LRP1B: variants seen among roughly 807,000 people sequenced by gnomAD.
LRP1B encodes the protein LDL receptor related protein 1B.
A neutral mutation model predicts 556.6 loss-of-function variants in LRP1B; 217 were observed. The observed-to-expected ratio is 0.39, with a 90% CI of 0.35 to 0.44. The LOEUF is 0.44. Ranked by LOEUF, LRP1B falls within the 20% of genes least tolerant of loss-of-function variation. The pLI is 1.00. For missense variants in LRP1B, 5,053 were observed against 5,620.8 expected, an observed-to-expected ratio of 0.90 and a Z score of 3.23; for synonymous variants, 2,047 against 1,865.8, an observed-to-expected ratio of 1.10 and a Z score of -2.50.
At chr2:141,597,492 C>T (rs1405721151) in intron 2 of LRP1B, among the ~76,000 whole-genome samples, 1 of 152,096 alleles carries the variant, frequency 6.6e-6, no homozygotes, top group Admixed American at 6.6e-5. Flanking sequence ...ATGGTCAACT[C>T]ATATTCTAAA....
intron 1 of LRP1B, among the ~76,000 whole-genome samples, chr2:142,062,154 A>G (rs1367346838): frequency 6.6e-6 from 1 of 151,942 alleles, no homozygotes; most frequent in East Asian, 1.9e-4. Flanking sequence ...CCCCCAGCCA[A>G]CTAGCATGGT....
chr2:140,253,459 TAAAAG>T (rs1251649428), intron 86 of LRP1B, among the ~76,000 whole-genome samples: 3 of 151,936 alleles, frequency 2.0e-5, no homozygotes, highest in East Asian at 1.9e-4. Flanking sequence ...AGGAGAAACA[TAAAAG>T]AAGATAAAAT....
intron 32 of LRP1B, among the ~76,000 whole-genome samples, chr2:140,806,264 C>A (rs980442505): frequency 2.0e-5 from 3 of 151,912 alleles, no homozygotes; most frequent in Non-Finnish European, 4.4e-5. Flanking sequence ...TATAGCAGCC[C>A]AAGGTAAGAC....
At chr2:140,722,442 A>G (rs146981610) in intron 35 of LRP1B, among the ~76,000 whole-genome samples, 1 of 152,284 alleles carries the variant, frequency 6.6e-6, no homozygotes, top group Non-Finnish European at 1.5e-5. Context: ...CTAATTAAGA[A>G]TCTAGAATCT....
chr2:141,843,103 GA>G (rs1329941430), intron 1 of LRP1B, among the ~76,000 whole-genome samples: 3 of 152,012 alleles, frequency 2.0e-5, no homozygotes, highest in African/African-American at 7.2e-5. Context: ...GAAATCTCTT[GA>G]AAAAGCTCCT....
chr2:141,024,360 G>A (rs1395401798), intron 11 of LRP1B, among the ~76,000 whole-genome samples: 1 of 151,902 alleles, frequency 6.6e-6, no homozygotes, highest in Admixed American at 6.6e-5. Flanking sequence ...AAAATACCTT[G>A]ATGTTGTATT....
chr2:140,775,886 G>A (rs1206668717), intron 33 of LRP1B, among the ~76,000 whole-genome samples: 1 of 152,078 alleles, frequency 6.6e-6, no homozygotes, highest in East Asian at 1.9e-4. Flanking sequence ...GACAAATTAA[G>A]ACTCCTAAGG....
chr2:140,679,990 C>T (rs1574233082), intron 41 of LRP1B, among the ~76,000 whole-genome samples: 1 of 151,514 alleles, frequency 6.6e-6, no homozygotes, highest in African/African-American at 2.4e-5. Flanking sequence ...CATCAGCTAT[C>T]GTTAGTGTTA....
At position 140,851,564 on chromosome 2, in the gene LRP1B, C is replaced by T. The variant is rs548209788; in HGVS notation, c.4711+88G>A. 196 of 1,477,570 alleles carry T rather than the reference C, an allele frequency of 1.3e-4. 6 individuals are homozygous for T. In the South Asian group the frequency reaches 2.4e-3, roughly 18 times the overall value. The allele number at this position is 1,477,570 out of a possible 1,614,324, so 91.5% of individuals were successfully genotyped here. A position where few individuals can be genotyped will look rare whatever the true frequency, so the allele number is the denominator to read the frequency against. On this transcript the variant is annotated intron_variant, in intron 28 of 90. Coordinates refer to ENST00000389484, the MANE Select transcript of LRP1B (RefSeq NM_018557.3). Reference sequence around the variant, plus strand: ...AAAACAGAAAAAAAAACTTCCTCTGCTTTAATATGAGTAAAATCTGAATGC... The same window carrying T: ...AAAACAGAAAAAAAAACTTCCTCTGTTTTAATATGAGTAAAATCTGAATGC...
At chr2:140,911,351 C>G (rs1246038541) in intron 21 of LRP1B, among the ~76,000 whole-genome samples, 2 of 151,644 alleles carry the variant, frequency 1.3e-5, no homozygotes, top group Non-Finnish European at 3.0e-5. Context: ...TACTGGAAAC[C>G]CATTGTAGGA....
At chr2:141,278,065 T>G (rs1685369706) in intron 3 of LRP1B, among the ~76,000 whole-genome samples, 2 of 152,234 alleles carry the variant, frequency 1.3e-5, no homozygotes, top group South Asian at 2.1e-4. Context: ...CAAATTTATT[T>G]TGATTCGTGA....
chr2:141,205,218 T>C (rs1682218680), intron 6 of LRP1B, among the ~76,000 whole-genome samples: 1 of 152,176 alleles, frequency 6.6e-6, no homozygotes, highest in African/African-American at 2.4e-5. Context: ...ATTTTCTAAC[T>C]TTATATGATG....
intron 7 of LRP1B, among the ~76,000 whole-genome samples, chr2:141,071,190 G>T (rs1699630456): frequency 6.7e-6 from 1 of 149,944 alleles, no homozygotes; most frequent in Non-Finnish European, 1.5e-5. Context: ...GGGATGCAAG[G>T]CTGGTTCAAT....
At chr2:140,687,645 C>A (rs944506373) in intron 41 of LRP1B, among the ~76,000 whole-genome samples, 6 of 151,872 alleles carry the variant, frequency 4.0e-5, no homozygotes, top group East Asian at 1.9e-4. Context: ...AACCAGATAT[C>A]CTGAAAAGCT....
At chr2:141,277,402 AT>A (rs1434460394) in intron 3 of LRP1B, among the ~76,000 whole-genome samples, 1 of 152,140 alleles carries the variant, frequency 6.6e-6, no homozygotes, top group African/African-American at 2.4e-5. Flanking sequence ...GATGTTGAAC[AT>A]TTTTTCATAT....
intron 7 of LRP1B, among the ~76,000 whole-genome samples, chr2:141,081,209 A>G (rs76406665): frequency 0.033 from 4,965 of 152,210 alleles, 90 homozygotes; most frequent in South Asian, 0.074. Context: ...AGATTTTTGT[A>G]TTAGAAATAC....
chr2:141,204,111 T>C (rs1850697), intron 6 of LRP1B, among the ~76,000 whole-genome samples: 39,212 of 152,078 alleles, frequency 0.26, 6,183 homozygotes, highest in East Asian at 0.63. Flanking sequence ...CTAACGTCTT[T>C]GCCCAATTTT....
intron 2 of LRP1B, among the ~76,000 whole-genome samples, chr2:141,500,079 C>T (rs1015187698): frequency 2.0e-5 from 3 of 152,076 alleles, no homozygotes; most frequent in African/African-American, 7.2e-5. Context: ...GGTGTTTCTG[C>T]TCTTTTCTCC....
In LRP1B at chr2:141,630,417, C is replaced by T. The variant is rs112846069; in HGVS notation, c.206-149884G>A. ...ATTCTTTAACTGGCTTTAACTGTCA[C>T]GTTCAGAACTTCTTTACATCTTGAA... On this transcript the variant is annotated intron_variant, in intron 2 of 90. Transcript: ENST00000389484. 1.7e-3 allele frequency among the ~76,000 whole-genome samples: 261 copies of T among 152,326 alleles called. 1 individual carries two copies. The highest frequency in any genetic ancestry group is 6.0e-3 in the African/African-American group (248 of 41,582).
Sources: gnomAD v4.1 joint callset for allele counts (sites outside exome capture counted in the v4.1 genomes callset) on GRCh38, gnomAD v4.1.1 for gene constraint, MANE v1.5 for transcripts, NCBI Gene and HGNC (gene_info 2026-07-23, HGNC 2026-07-21) for gene names.